Variants in OSBP2 observed in about 807,000 individuals in gnomAD.
The protein encoded by OSBP2 is oxysterol binding protein 2, also known as oxysterol-binding protein 2.
Under a neutral mutation model 96.0 loss-of-function variants are expected in OSBP2, and 66 were observed. That is an observed-to-expected ratio of 0.69 (90% confidence interval 0.56 to 0.84). OSBP2 has a LOEUF of 0.84. Ranked by LOEUF, OSBP2 falls within the 40% of genes least tolerant of loss-of-function variation. OSBP2 has a pLI of 0.00. For missense variants in OSBP2, 1,038 were observed against 1,222.7 expected (o/e 0.85, Z 2.25); for synonymous variants, 525 against 520.9 (o/e 1.01, Z -0.11).
upstream of OSBP2, chr22:30,694,116 G>A (rs767477328): frequency 2.0e-5 from 31 of 1,549,188 alleles, no homozygotes; most frequent in Admixed American, 1.2e-4. Flanking sequence ...CCTACCCAGG[G>A]ATCCCGGGAG....
chr22:30,864,410 A>G (rs1476567276), intron 2 of OSBP2, among the ~76,000 whole-genome samples: 1 of 152,196 alleles, frequency 6.6e-6, no homozygotes, highest in African/African-American at 2.4e-5. Context: ...GGAGGAAAGA[A>G]AGAAATCCCG....
intron 1 of OSBP2, among the ~76,000 whole-genome samples, chr22:30,731,333 C>T (rs2089775151): frequency 6.6e-6 from 1 of 152,088 alleles, no homozygotes; most frequent in Non-Finnish European, 1.5e-5. Context: ...TACAGAGACA[C>T]GGTGGGTCGC....
At position 30,810,664 on chromosome 22, in the gene OSBP2, T is replaced by G. The variant is rs563734740; in HGVS notation, c.854-59765T>G. Among the ~76,000 whole-genome samples, 7 of 152,188 alleles carry G rather than the reference T, an allele frequency of 4.6e-5. No homozygotes were observed. The East Asian group carries it at 1.4e-3, about 30-fold the overall frequency. ...CCGCCCCCACACCTGGTTGCAGCTG[T>G]GTCCATTCTTTGCAGGGCCCGTCAC... On this transcript the variant is annotated intron_variant, in intron 2 of 13. Coordinates refer to ENST00000332585, the MANE Select transcript of OSBP2 (RefSeq NM_030758.4).
chr22:30,694,137 A>C, upstream of OSBP2: 2 of 1,549,888 alleles, frequency 1.3e-6, no homozygotes, highest in Non-Finnish European at 1.7e-6. Context: ...GTCCAAGTTC[A>C]GAATCCCACT....
rs375434954 is a variant in OSBP2 at position 30,893,504 on chromosome 22, G to C, written c.2032G>C (p.Val678Leu). ...ATTCCAGGCCAGTGGGAATCACTAC[G>C]TGTGGAGGAAGAGCACCTCAACTGT... ...LEFQASGNHY[V>L]WRKSTSTVHN... Residue 678 changes from valine (V) to leucine (L), a missense_variant, in exon 10 of 14, where the codon GTG (valine) becomes CTG (leucine). Physicochemically the swap from Val to Leu is conservative, Grantham distance 32. This residue lies in a region of OSBP2 where 737 missense variants were observed against 913.3 expected (regional missense o/e 0.81). Transcript: ENST00000332585. 3 of 1,614,194 alleles carry C rather than the reference G, an allele frequency of 1.9e-6. No individual in the cohort carries two copies. The highest frequency in any genetic ancestry group is 1.3e-5 in the African/African-American group (1 of 75,054).
intron 1 of OSBP2, among the ~76,000 whole-genome samples, chr22:30,703,041 C>T (rs572288473): frequency 7.9e-4 from 120 of 152,196 alleles, no homozygotes; most frequent in Non-Finnish European, 1.5e-3. Context: ...AATAAGTTAA[C>T]TGGGGAGATA....
At chr22:30,832,415 C>T (rs1018260943) in intron 2 of OSBP2, among the ~76,000 whole-genome samples, 1 of 151,966 alleles carries the variant, frequency 6.6e-6, no homozygotes, top group South Asian at 2.1e-4. Flanking sequence ...CTCAGCCTCC[C>T]AAGTAGCTGG....
At chr22:30,836,470 A>G (rs2038634719) in intron 2 of OSBP2, among the ~76,000 whole-genome samples, 2 of 152,120 alleles carry the variant, frequency 1.3e-5, no homozygotes, top group South Asian at 4.2e-4. Context: ...CATTTGCTCC[A>G]CTGGCCAACA....
At chr22:30,696,331 G>A (rs904368138) in intron 1 of OSBP2, among the ~76,000 whole-genome samples, 8 of 152,166 alleles carry the variant, frequency 5.3e-5, no homozygotes, top group African/African-American at 1.9e-4. Context: ...TAAGCCTTGA[G>A]AACTCAGATC....
Position 30,881,037 on chromosome 22 carries a change from T to C in OSBP2, c.1108-6389T>C, listed in dbSNP as rs537848667. 6.6e-6 allele frequency among the ~76,000 whole-genome samples: 1 copy of C among 152,126 alleles called. No individual in the cohort carries two copies. Among genetic ancestry groups the C allele is most frequent in the African/African-American group, 2.4e-5 (1 of 41,426 alleles). ...CCCCAGGGCGGAGACCCCCCTTGTC[T>C]GTCGAGCTTTGTGGTTCTCACTCTG... is the stretch of plus-strand genomic sequence containing the variant. On this transcript the variant is annotated intron_variant, in intron 3 of 13. Coordinates refer to ENST00000332585, the MANE Select transcript of OSBP2 (RefSeq NM_030758.4). This position sits in a 1 kb window ranked among gnomAD's most constrained non-coding sequence, Gnocchi z 4.5.
In OSBP2 at chr22:30,757,561, G is replaced by A. The variant is rs766885930; in HGVS notation, c.853+16192G>A. ...GTCTCCCGAGTAGCTGGGTCTACAG[G>A]TGGGTGCCACCATACCTGGCTAATT... On this transcript the variant is annotated intron_variant, in intron 2 of 13. Transcript: ENST00000332585. Among the ~76,000 whole-genome samples, 4 of 152,084 alleles carry A rather than the reference G, an allele frequency of 2.6e-5. No individual in the cohort carries two copies. The East Asian group carries it at 7.7e-4, about 29-fold the overall frequency.
chr22:30,694,314 T>G (rs1021835623), upstream of OSBP2: 6 of 1,548,660 alleles, frequency 3.9e-6, no homozygotes, highest in African/African-American at 5.5e-5. Flanking sequence ...GGCCACCGCT[T>G]CTGGCGGCCG....
chr22:30,741,555 T>C (rs2089937428), intron 2 of OSBP2, among the ~76,000 whole-genome samples, 186 bp downstream of exon 2: 1 of 152,192 alleles, frequency 6.6e-6, no homozygotes, highest in South Asian at 2.1e-4. Flanking sequence ...CCATTCTGTC[T>C]GGCGAGCAGT....
At chr22:30,747,197 T>G (rs893212969) in intron 2 of OSBP2, among the ~76,000 whole-genome samples, 1 of 152,138 alleles carries the variant, frequency 6.6e-6, no homozygotes, top group African/African-American at 2.4e-5. Context: ...AGACTAGTGG[T>G]TTGTAGGAAC....
chr22:30,899,326 A>T (rs1281535551), intron 12 of OSBP2, among the ~76,000 whole-genome samples: 1 of 151,392 alleles, frequency 6.6e-6, no homozygotes, highest in Non-Finnish European at 1.5e-5. Flanking sequence ...AGGTTACTTG[A>T]GCCCAGGAAG....
rs144626343 is a variant in OSBP2 at position 30,833,358 on chromosome 22, A to G, written c.854-37071A>G. Reference sequence around the variant, plus strand: ...CATTGTAGAAAATCCAATAGGAAAAAAAAGCATCTAAAAGAAATTTTAAAA... The same window carrying G: ...CATTGTAGAAAATCCAATAGGAAAAGAAAGCATCTAAAAGAAATTTTAAAA... On this transcript the variant is annotated intron_variant, in intron 2 of 13. Coordinates refer to ENST00000332585, the MANE Select transcript of OSBP2 (RefSeq NM_030758.4). 2.7e-3 allele frequency among the ~76,000 whole-genome samples: 408 copies of G among 152,364 alleles called. 9 individuals carry two copies. The highest frequency in any genetic ancestry group is 0.024 in the South Asian group (117 of 4,828).
At position 30,870,822 on chromosome 22, in the gene OSBP2, C is replaced by T; in HGVS notation, c.1107+140C>T. 2.4e-6 allele frequency: 2 copies of T among 843,378 alleles called. No homozygotes were observed. The highest frequency in any genetic ancestry group is 5.4e-5 in the Admixed American group (2 of 36,774). The allele number at this position is 843,378 out of a possible 1,614,324, so 52.2% of individuals were successfully genotyped here. A position where few individuals can be genotyped will look rare whatever the true frequency, so the allele number is the denominator to read the frequency against. On this transcript the variant is annotated intron_variant, in intron 3 of 13. Transcript: ENST00000332585. The surrounding 1 kb of genome is among the most constrained non-coding windows in gnomAD (Gnocchi z 4.1). ...ACGGTGTTTCCCAAAGCCAGCGCCC[C>T]CCAGCTAGCTTCCGAGTTCTTAAAT...
intron 1 of OSBP2, among the ~76,000 whole-genome samples, chr22:30,705,594 C>T (rs2089240664): frequency 6.6e-6 from 1 of 152,090 alleles, no homozygotes; most frequent in Non-Finnish European, 1.5e-5. Flanking sequence ...CGTCTGGCCT[C>T]CCCAGTATTT....
At chr22:30,773,321 C>T (rs136321) in intron 2 of OSBP2, 14,526 of 152,572 alleles carry the variant, frequency 0.095, 885 homozygotes, top group Non-Finnish European at 0.14. Flanking sequence ...GGATTACAGG[C>T]GTGAGCCACC....
Sources: allele counts gnomAD v4.1 joint callset (sites outside exome capture counted in the v4.1 genomes callset), GRCh38; gene constraint gnomAD v4.1.1; regional missense constraint gnomAD v4.1.1; non-coding constraint Gnocchi (gnomAD v3.1); transcripts MANE v1.5; gene names NCBI Gene and HGNC (gene_info 2026-07-23, HGNC 2026-07-21).